The following DTNB variants were observed in gnomAD, a reference collection of about 807,000 sequenced individuals.
DTNB encodes dystrobrevin beta.
Under a neutral mutation model 90.7 loss-of-function variants are expected in DTNB, and 63 were observed. That is an observed-to-expected ratio of 0.69 (90% confidence interval 0.57 to 0.86). DTNB has a LOEUF of 0.86. Among genes scored for constraint, DTNB ranks in the 40% least tolerant of loss-of-function variants. The pLI, the probability that DTNB is intolerant of heterozygous loss-of-function variation, is 0.00. For synonymous variants in DTNB, 277 were observed against 286.7 expected, an observed-to-expected ratio of 0.97 and a Z score of 0.34; for missense variants, 744 against 807.1, an observed-to-expected ratio of 0.92 and a Z score of 0.95.
chr2:25,399,935 T>C (rs953367986), intron 16 of DTNB, among the ~76,000 whole-genome samples: 1 of 144,334 alleles, frequency 6.9e-6, no homozygotes, highest in African/African-American at 2.7e-5. Flanking sequence ...CTGACCATTC[T>C]GTCAGTGAGG....
intron 13 of DTNB, 71 bp from the exon 14 acceptor site, chr2:25,433,070 A>G: frequency 7.0e-7 from 1 of 1,420,322 alleles, no homozygotes; most frequent in South Asian, 1.4e-5. Context: ...TCCCTATTAC[A>G]ACTTTTCAAC....
intron 8 of DTNB, among the ~76,000 whole-genome samples, chr2:25,575,417 A>AACC (rs1376864046): frequency 6.6e-6 from 1 of 152,058 alleles, no homozygotes; most frequent in Non-Finnish European, 1.5e-5. Context: ...GGCTCTTCAC[A>AACC]ACCACCACCA....
At position 25,553,465 on chromosome 2, in the gene DTNB, C is replaced by T. The variant is rs564623958; in HGVS notation, c.877-21868G>A. ...AAATACGGCTAGGTAGGGCTGGGTG[C>T]GGTGGCTCATGCTTGTAATCCTAGC... On this transcript the variant is annotated intron_variant, in intron 8 of 20. Transcript: ENST00000406818. Among the ~76,000 whole-genome samples the T allele has an allele frequency of 6.3e-4, 96 of 151,908 alleles. 2 individuals carry two copies. The highest frequency in any genetic ancestry group is 1.1e-3 in the Admixed American group (17 of 15,242).
intron 10 of DTNB, among the ~76,000 whole-genome samples, chr2:25,476,742 C>T (rs374314970): frequency 2.6e-4 from 39 of 152,092 alleles, no homozygotes; most frequent in African/African-American, 4.6e-4. Context: ...TTGCTTCTTA[C>T]GGATAAGCAA....
chr2:25,451,961 G>T (rs577798868), intron 11 of DTNB, among the ~76,000 whole-genome samples: 1 of 152,180 alleles, frequency 6.6e-6, no homozygotes, highest in Non-Finnish European at 1.5e-5. Context: ...TAAAACTGAT[G>T]ACTTTTTAGA....
chr2:25,378,070 T>C (rs2036370925), intron 20 of DTNB, among the ~76,000 whole-genome samples: 2 of 152,194 alleles, frequency 1.3e-5, no homozygotes, highest in African/African-American at 4.8e-5. Context: ...GGGGCATTGG[T>C]TTCCTCCATG....
chr2:25,595,992 T>C (rs1166412729), intron 6 of DTNB, 94 bp downstream of exon 6: 16 of 1,142,010 alleles, frequency 1.4e-5, no homozygotes, highest in Non-Finnish European at 1.5e-5. Context: ...ACTCAAGACC[T>C]TACTAGACTG....
chr2:25,434,678 T>G (rs1215106261), intron 12 of DTNB, among the ~76,000 whole-genome samples: 1 of 152,162 alleles, frequency 6.6e-6, no homozygotes, highest in Admixed American at 6.5e-5. Flanking sequence ...GAACTTTCAT[T>G]CACAAGTATT....
intron 1 of DTNB, among the ~76,000 whole-genome samples, chr2:25,658,022 C>T (rs1033773703): frequency 1.3e-5 from 2 of 151,812 alleles, no homozygotes; most frequent in Non-Finnish European, 2.9e-5. Context: ...TTTGGGAGGC[C>T]GAGGTGGGTG....
At chr2:25,632,711 T>C (rs2076036454) in intron 3 of DTNB, among the ~76,000 whole-genome samples, 1 of 146,086 alleles carries the variant, frequency 6.8e-6, no homozygotes, top group Non-Finnish European at 1.5e-5. Flanking sequence ...ATATGGCCCC[T>C]CAATCTTAGA....
chr2:25,605,464 C>T (rs545520450), intron 5 of DTNB, among the ~76,000 whole-genome samples: 4 of 152,194 alleles, frequency 2.6e-5, no homozygotes, highest in South Asian at 2.1e-4. Context: ...CCTTCCAAAC[C>T]GAGAACTAGA....
At chr2:25,590,807 C>T (rs575325287) in intron 6 of DTNB, among the ~76,000 whole-genome samples, 2 of 152,346 alleles carry the variant, frequency 1.3e-5, no homozygotes, top group East Asian at 3.9e-4. Context: ...GCCCGACCCC[C>T]AGGCTTCAGG....
chr2:25,527,559 G>A (rs1398545618), intron 9 of DTNB, among the ~76,000 whole-genome samples: 1 of 151,696 alleles, frequency 6.6e-6, no homozygotes, highest in Admixed American at 6.6e-5. Flanking sequence ...AAATACACGA[G>A]AGTGGAAATA....
intron 12 of DTNB, among the ~76,000 whole-genome samples, chr2:25,450,324 T>G (rs1263945270): frequency 6.6e-6 from 1 of 152,242 alleles, no homozygotes; most frequent in Non-Finnish European, 1.5e-5. Flanking sequence ...CTGACTGATT[T>G]GCTTCTTACC....
chr2:25,509,836 C>T (rs2073525460), intron 9 of DTNB, among the ~76,000 whole-genome samples: 1 of 150,320 alleles, frequency 6.7e-6, no homozygotes, highest in Non-Finnish European at 1.5e-5. Flanking sequence ...TTGCAACCTC[C>T]ATCTCTTGGG....
chr2:25,386,217 A>G, intron 18 of DTNB: 1 of 622,838 alleles, frequency 1.6e-6, no homozygotes, highest in South Asian at 7.1e-5. Flanking sequence ...CTGTATGAAA[A>G]CAGGCAGACT....
intron 9 of DTNB, among the ~76,000 whole-genome samples, chr2:25,491,318 C>T (rs1575065654): frequency 6.6e-6 from 1 of 152,154 alleles, no homozygotes; most frequent in Non-Finnish European, 1.5e-5. Flanking sequence ...TTACCACCAC[C>T]ACTCCTCAAA....
chr2:25,639,172 T>C, intron 2 of DTNB, 78 bp from the exon 3 acceptor site: 3 of 1,390,428 alleles, frequency 2.2e-6, no homozygotes, highest in South Asian at 1.4e-5. Context: ...TCCATTCTAT[T>C]GTATTGTCAT....
intron 10 of DTNB, among the ~76,000 whole-genome samples, chr2:25,471,464 T>C (rs1363603922): frequency 1.3e-5 from 2 of 151,786 alleles, no homozygotes; most frequent in Admixed American, 1.3e-4. Context: ...CCAATCTCAA[T>C]TGCTCACTGA....
Sources: gnomAD v4.1 joint callset for allele counts (sites outside exome capture counted in the v4.1 genomes callset) on GRCh38, gnomAD v4.1.1 for gene constraint, MANE v1.5 for transcripts, NCBI Gene and HGNC (gene_info 2026-07-23, HGNC 2026-07-21) for gene names.